The following ST8SIA1 variants were observed in gnomAD, a reference collection of about 807,000 sequenced individuals.
ST8SIA1 encodes the protein ST8 alpha-N-acetyl-neuraminide alpha-2,8-sialyltransferase 1.
ST8SIA1 carries 16 observed loss-of-function variants against 35.9 expected under a neutral mutation model. The ratio of observed to expected loss-of-function variants is 0.45; its 90% CI spans 0.30 to 0.68. ST8SIA1 has a LOEUF of 0.68. ST8SIA1 is among the 30% of genes least tolerant of loss of function. The pLI is 0.09. For missense variants in ST8SIA1, 383 were observed against 453.6 expected (o/e 0.84, Z 1.41); for synonymous variants, 170 against 169.6 (o/e 1.00, Z -0.02).
intron 4 of ST8SIA1, among the ~76,000 whole-genome samples, chr12:22,225,245 G>A (rs1591828192): frequency 6.6e-6 from 1 of 152,238 alleles, no homozygotes; most frequent in Non-Finnish European, 1.5e-5. Context: ...GCAGCCCTAA[G>A]AAACTAATAA....
chr12:22,255,259 G>T (rs372266889), intron 3 of ST8SIA1, 21 bp downstream of exon 3: 1 of 1,599,216 alleles, frequency 6.3e-7, no homozygotes, highest in South Asian at 1.1e-5. Context: ...CAGAGGCCGC[G>T]CTGTGGGTGC....
chr12:22,292,320 A>G (rs1465521440), intron 1 of ST8SIA1, among the ~76,000 whole-genome samples: 1 of 152,180 alleles, frequency 6.6e-6, no homozygotes, highest in East Asian at 1.9e-4. Flanking sequence ...TCTAGCACTT[A>G]AAACTATTTA....
rs1866110010 is a variant in ST8SIA1, at chr12:22,287,149, C to T, written c.381G>A (p.Gln127=). 1 of 1,613,276 alleles carries T rather than the reference C, an allele frequency of 6.2e-7. No individual in the cohort carries two copies. Among genetic ancestry groups the T allele is most frequent in the African/African-American group, 1.3e-5 (1 of 74,884 alleles). The change falls in exon 2 of 5, where the codon CAG becomes CAA. Residue 127 remains glutamine, a splice_region_variant and synonymous_variant. Transcript: ENST00000396037. ...IDNSTYSLFP[Q]ATPFQLPLKK... ...TGAAGGCAACCAACTCTATACTAAC[C>T]TGTGGGAAGAGAGAGTAAGTTGAAT...
chr12:22,214,174 G>A (rs556976983), intron 4 of ST8SIA1, among the ~76,000 whole-genome samples: 3 of 152,092 alleles, frequency 2.0e-5, no homozygotes, highest in Non-Finnish European at 4.4e-5. Context: ...CAGAGCTGCA[G>A]CAAAGAGTAG....
At chr12:22,256,679 T>C (rs1208977046) in intron 2 of ST8SIA1, among the ~76,000 whole-genome samples, 1 of 152,178 alleles carries the variant, frequency 6.6e-6, no homozygotes, top group African/African-American at 2.4e-5. Flanking sequence ...TAATGCAGCA[T>C]AAGAAGAGGA....
chr12:22,230,746 T>C (rs1184139287), intron 4 of ST8SIA1, among the ~76,000 whole-genome samples: 3 of 152,016 alleles, frequency 2.0e-5, no homozygotes, highest in Non-Finnish European at 2.9e-5. Flanking sequence ...AGACTAGACA[T>C]TGAGTTGAGA....
chr12:22,260,680 A>G (rs1265249413), intron 2 of ST8SIA1, among the ~76,000 whole-genome samples: 3 of 152,142 alleles, frequency 2.0e-5, no homozygotes, highest in Non-Finnish European at 4.4e-5. Flanking sequence ...CTATTACGAG[A>G]GTTAAAATAA....
chr12:22,249,262 A>G (rs1292953709), intron 3 of ST8SIA1, among the ~76,000 whole-genome samples, 164 bp from the exon 4 acceptor site: 1 of 141,956 alleles, frequency 7.0e-6, no homozygotes, highest in Admixed American at 7.6e-5. Context: ...TCTGTTGCCC[A>G]GGCTGGAGTA....
chr12:22,211,509 T>C (rs1865175935), intron 4 of ST8SIA1, among the ~76,000 whole-genome samples: 1 of 152,136 alleles, frequency 6.6e-6, no homozygotes, highest in Admixed American at 6.5e-5. Context: ...ATTCTAAGGA[T>C]TTTAGGGGTT....
chr12:22,201,829 CT>C lies in ST8SIA1; in HGVS notation c.793del (p.Ser265ValfsTer16). 3.7e-6 allele frequency: 6 copies of C among 1,614,144 alleles called. No homozygotes were observed. In the South Asian group the frequency reaches 5.5e-5, roughly 15 times the overall value. On this transcript the variant is annotated frameshift_variant, in exon 5 of 5. Transcript: ENST00000396037. LOFTEE classifies it high-confidence loss of function. ...CAGGCGCTTGGCATGGATTCCTCTA[CT>C]TTTCCAGAACTTTCCAATGCTACGC... is the stretch of plus-strand genomic sequence containing the variant. The part of the protein sequence containing the change: ...FLRSIGKFWK[S>X]RGIHAKRLST...
intron 4 of ST8SIA1, among the ~76,000 whole-genome samples, chr12:22,244,450 TTTTA>T (rs1214241330): frequency 6.6e-6 from 1 of 152,114 alleles, no homozygotes; most frequent in Non-Finnish European, 1.5e-5. Context: ...TGTTAGTTGG[TTTTA>T]TTTTTTATTT....
chr12:22,301,602 C>A (rs909801074), intron 1 of ST8SIA1, among the ~76,000 whole-genome samples: 1 of 152,120 alleles, frequency 6.6e-6, no homozygotes, highest in Non-Finnish European at 1.5e-5. Flanking sequence ...AATATGTTTT[C>A]ATTTGTAACA....
chr12:22,245,924 G>C (rs12815085), intron 4 of ST8SIA1, among the ~76,000 whole-genome samples: 123 of 152,276 alleles, frequency 8.1e-4, no homozygotes, highest in African/African-American at 2.9e-3. Context: ...GGAGGTTTCT[G>C]GGGGGTGGTG....
At chr12:22,223,643 G>T in intron 4 of ST8SIA1, 1 of 1,146,950 alleles carries the variant, frequency 8.7e-7, no homozygotes, top group South Asian at 1.8e-5. Context: ...CAACGTGGCA[G>T]GGATTCTGAT....
chr12:22,209,968 G>A (rs1044070778), intron 4 of ST8SIA1, among the ~76,000 whole-genome samples: 5 of 152,146 alleles, frequency 3.3e-5, no homozygotes, highest in African/African-American at 4.8e-5. Context: ...TGCCTGGCAC[G>A]TGGCATTAAG....
At chr12:22,225,746 T>G (rs375545710) in intron 4 of ST8SIA1, among the ~76,000 whole-genome samples, 28 of 152,312 alleles carry the variant, frequency 1.8e-4, no homozygotes, top group East Asian at 9.6e-4. Context: ...CTCCTTGCAT[T>G]CCCTCTGCAA....
At chr12:22,326,176 A>C (rs909041104) in intron 1 of ST8SIA1, 1 of 343,392 alleles carries the variant, frequency 2.9e-6, no homozygotes, top group Non-Finnish European at 5.2e-6. Flanking sequence ...CAAATCAGGG[A>C]CCACGTTCTT....
chr12:22,211,198 G>T (rs1469899425), intron 4 of ST8SIA1, among the ~76,000 whole-genome samples: 1 of 152,206 alleles, frequency 6.6e-6, no homozygotes. Flanking sequence ...AACCCTCCAG[G>T]AACTTTCCCA....
At chr12:22,238,971 A>C (rs1243538437) in intron 4 of ST8SIA1, among the ~76,000 whole-genome samples, 2 of 152,226 alleles carry the variant, frequency 1.3e-5, no homozygotes, top group African/African-American at 4.8e-5. Flanking sequence ...CAACTATTGA[A>C]GAAATAGATT....
Sources: allele counts gnomAD v4.1 joint callset (sites outside exome capture counted in the v4.1 genomes callset), GRCh38; gene constraint gnomAD v4.1.1; transcripts MANE v1.5; gene names NCBI Gene and HGNC (gene_info 2026-07-23, HGNC 2026-07-21).